Variants in DGKZ observed in about 807,000 individuals in gnomAD.
The protein encoded by DGKZ is DAG kinase zeta.
DGKZ carries 45 observed loss-of-function variants against 142.5 expected under a neutral mutation model. The observed-to-expected ratio is 0.32, with a 90% confidence interval of 0.25 to 0.40. The LOEUF is 0.40. Among genes scored for constraint, DGKZ ranks in the 10% least tolerant of loss-of-function variants. DGKZ has a pLI of 1.00. For synonymous variants in DGKZ, 442 were observed against 527.0 expected, an observed-to-expected ratio of 0.84 and a Z score of 2.21; for missense variants, 755 against 1,306.5, an observed-to-expected ratio of 0.58 and a Z score of 6.51.
intron 1 of DGKZ, among the ~76,000 whole-genome samples, chr11:46,358,450 A>T (rs915587303): frequency 2.0e-5 from 3 of 152,174 alleles, no homozygotes; most frequent in African/African-American, 7.2e-5. Flanking sequence ...TGGACACCTG[A>T]TAGACAAACT....
intron 1 of DGKZ, among the ~76,000 whole-genome samples, chr11:46,352,333 G>T (rs1376719493): frequency 1.3e-5 from 2 of 152,212 alleles, no homozygotes; most frequent in African/African-American, 4.8e-5. Context: ...GTGGGAGGCC[G>T]GTGGGCGAGG....
At chr11:46,332,974 C>T in exon 1 of DGKZ, 1 of 286,740 alleles carries the variant, frequency 3.5e-6, no homozygotes. Context: ...GCTCTCCGCC[C>T]GGGCTCCGGC....
rs1940808638 is a variant in DGKZ, at chr11:46,347,658, G to T, written c.-2G>T. On this transcript the variant is annotated 5_prime_UTR_variant, in exon 1 of 31. Transcript: ENST00000527911. This position sits in a 1 kb window ranked among gnomAD's most constrained non-coding sequence, Gnocchi z 6.4. ...CCCTCCGCCGGCCGGGGCTAGGGCCGGATGGAGCCGCGGGACGGTAGCCCC... is the reference window on the plus strand; with the variant it reads ...CCCTCCGCCGGCCGGGGCTAGGGCCTGATGGAGCCGCGGGACGGTAGCCCC... 2 of 1,416,436 alleles carry T rather than the reference G, an allele frequency of 1.4e-6. No homozygotes were observed. Among genetic ancestry groups the T allele is most frequent in the Non-Finnish European group, 1.8e-6 (2 of 1,086,190 alleles). 87.7% of individuals were successfully genotyped at this position (1,416,436 alleles called of 1,614,324 possible).
upstream of DGKZ, among the ~76,000 whole-genome samples, chr11:46,344,478 T>C (rs1287343164): frequency 1.4e-5 from 2 of 146,624 alleles, no homozygotes; most frequent in Non-Finnish European, 3.0e-5. Context: ...TTGGAGACAG[T>C]GTCTCACTCT....
In DGKZ at chr11:46,354,208, A is replaced by G. The variant is rs568176613; in HGVS notation, c.161+6388A>G. On this transcript the variant is annotated intron_variant, in intron 1 of 30. Transcript: ENST00000527911. ...TCCCTCAAGGGGTCTTTTGTAGGAC[A>G]CAGGATCTCCCTCTGTCACCCAGGC... Among the ~76,000 whole-genome samples, 5 of 152,308 alleles carry G rather than the reference A, an allele frequency of 3.3e-5. No individual in the cohort carries two copies. In the East Asian group the frequency reaches 7.7e-4, roughly 24 times the overall value.
At chr11:46,364,334 G>A in intron 1 of DGKZ, 1 of 1,280,522 alleles carries the variant, frequency 7.8e-7, no homozygotes, top group Non-Finnish European at 1.0e-6. Context: ...CTAAGTGTTT[G>A]TCAGGGGCTT....
At chr11:46,373,498 G>GTTTTTGT (rs1193123647) in intron 14 of DGKZ, among the ~76,000 whole-genome samples, 2 of 79,898 alleles carry the variant, frequency 2.5e-5, no homozygotes, top group East Asian at 2.7e-4. Flanking sequence ...TTTTTTTTTT[G>GTTTTTGT]TTTTTGTTTT....
intron 1 of DGKZ, among the ~76,000 whole-genome samples, chr11:46,351,864 CA>C (rs1477389963): frequency 6.6e-6 from 1 of 152,192 alleles, no homozygotes; most frequent in Non-Finnish European, 1.5e-5. Flanking sequence ...CAAACGCTGT[CA>C]GGGGAGGGAA....
At position 46,367,516 on chromosome 11, in the gene DGKZ, T is replaced by G; in HGVS notation, c.270+117T>G. 1 of 1,259,966 alleles carries G rather than the reference T, an allele frequency of 7.9e-7. No individual in the cohort carries two copies. Among genetic ancestry groups the G allele is most frequent in the Non-Finnish European group, 1.1e-6 (1 of 936,580 alleles). 78.0% of individuals were successfully genotyped at this position (1,259,966 alleles called of 1,614,324 possible). Reference sequence around the variant, plus strand: ...GCCAAGCCTGGAAGGGTTGGGACAGTGGGGCAGACGGAACAGAGCAGGGTC... The same window carrying G: ...GCCAAGCCTGGAAGGGTTGGGACAGGGGGGCAGACGGAACAGAGCAGGGTC... On this transcript the variant is annotated intron_variant, in intron 2 of 30. Coordinates refer to ENST00000527911, the Ensembl canonical transcript of DGKZ. This position sits in a 1 kb window ranked among gnomAD's most constrained non-coding sequence, Gnocchi z 4.1.
intron 20 of DGKZ, 33 bp from the exon 21 acceptor site, chr11:46,375,818 G>A (rs1285313796): frequency 1.3e-6 from 2 of 1,547,854 alleles, no homozygotes; most frequent in East Asian, 4.9e-5. Context: ...CAGGGCCCTT[G>A]CTGAGCCCCC....
Position 46,366,311 on chromosome 11 carries a change from G to A in DGKZ, c.162-980G>A, listed in dbSNP as rs1189839413. 2.0e-5 allele frequency: 32 copies of A among 1,579,368 alleles called. No individual in the cohort carries two copies. In the Admixed American group the frequency reaches 5.5e-4, roughly 27 times the overall value. ...GGGGAAGGTGCCAGGCCCTGGAGAG[G>A]GGCAGCAGCGGCCCAGCAGCGTGGG... is the stretch of plus-strand genomic sequence containing the variant. On this transcript the variant is annotated intron_variant, in intron 1 of 30. Transcript: ENST00000527911.
At position 46,367,874 on chromosome 11, in the gene DGKZ, G is replaced by A. The variant is rs1231400008; in HGVS notation, c.366+127G>A. 1.3e-6 allele frequency: 2 copies of A among 1,510,838 alleles called. No individual in the cohort carries two copies. Among genetic ancestry groups the A allele is most frequent in the Non-Finnish European group, 1.8e-6 (2 of 1,090,418 alleles). The allele number at this position is 1,510,838 out of a possible 1,614,324, so 93.6% of individuals were successfully genotyped here. A position where few individuals can be genotyped will look rare whatever the true frequency, so the allele number is the denominator to read the frequency against. On this transcript the variant is annotated intron_variant, in intron 3 of 30. Coordinates refer to ENST00000527911, the Ensembl canonical transcript of DGKZ. The surrounding 1 kb of genome is among the most constrained non-coding windows in gnomAD (Gnocchi z 4.1). ...GGGCCGCCCCAGGATGGTGAGGGGTGCAGGGGCTTTGTCCGGATGCCAGGA... is the reference window on the plus strand; with the variant it reads ...GGGCCGCCCCAGGATGGTGAGGGGTACAGGGGCTTTGTCCGGATGCCAGGA...
At chr11:46,375,524 T>C (rs1944430994) in exon 20 of DGKZ, 3 of 1,589,770 alleles carry the variant, frequency 1.9e-6, no homozygotes, top group Non-Finnish European at 2.6e-6. Flanking sequence ...TGCAGGTGGA[T>C]GGCGAGCCCT....
chr11:46,380,377 G>C (rs1267747279), downstream of DGKZ: 1 of 158,520 alleles, frequency 6.3e-6, no homozygotes, highest in Non-Finnish European at 1.4e-5. Flanking sequence ...CTTCCTCCCG[G>C]AAACTCAGCG....
chr11:46,353,031 G>T (rs1220280626), intron 1 of DGKZ, among the ~76,000 whole-genome samples: 1 of 152,224 alleles, frequency 6.6e-6, no homozygotes, highest in African/African-American at 2.4e-5. Context: ...GAGACCAAGG[G>T]CTCTGTGGCC....
intron 1 of DGKZ, among the ~76,000 whole-genome samples, chr11:46,334,576 G>C (rs1314686382): frequency 6.6e-6 from 1 of 152,174 alleles, no homozygotes; most frequent in Non-Finnish European, 1.5e-5. Flanking sequence ...CCATCACTTG[G>C]GGGAGGAAGG....
In DGKZ at chr11:46,377,230, G is replaced by A. The variant is rs137969639; in HGVS notation, c.2342+18G>A. ...ACGCCCCGGTGAGTCCTGGTGTCCCGTCCCTCCAGCCCCTGGCTTTCAGCC... is the reference window on the plus strand; with the variant it reads ...ACGCCCCGGTGAGTCCTGGTGTCCCATCCCTCCAGCCCCTGGCTTTCAGCC... On this transcript the variant is annotated intron_variant, in intron 25 of 30. Coordinates refer to ENST00000527911, the Ensembl canonical transcript of DGKZ. 153 of 1,570,058 alleles carry A rather than the reference G, an allele frequency of 9.7e-5. No homozygotes were observed. In the East Asian group the frequency reaches 2.5e-3, roughly 25 times the overall value.
chr11:46,361,482 G>A (rs1942645388), intron 1 of DGKZ: 2 of 307,504 alleles, frequency 6.5e-6, no homozygotes, highest in South Asian at 1.3e-4. Flanking sequence ...GCCTGGAGCC[G>A]CTGCTGGGAG....
chr11:46,336,364 A>G (rs1170547749), intron 1 of DGKZ, among the ~76,000 whole-genome samples: 1 of 152,236 alleles, frequency 6.6e-6, no homozygotes, highest in Non-Finnish European at 1.5e-5. Context: ...GAAAGAAGGC[A>G]AGGGAAGAAC....
Sources: gnomAD v4.1 joint callset for allele counts (sites outside exome capture counted in the v4.1 genomes callset) on GRCh38, gnomAD v4.1.1 for gene constraint, Gnocchi (gnomAD v3.1) non-coding constraint, MANE v1.5 for transcripts, NCBI Gene and HGNC (gene_info 2026-07-23, HGNC 2026-07-21) for gene names.